The following ZAP70 variants were observed in gnomAD, a reference collection of about 807,000 sequenced individuals.
The protein encoded by ZAP70 is zeta chain of T cell receptor associated protein kinase 70.
ZAP70 carries 27 observed loss-of-function variants against 65.8 expected under a neutral mutation model. The ratio of observed to expected loss-of-function variants is 0.41; its 90% CI spans 0.30 to 0.57. The LOEUF (loss-of-function observed/expected upper bound fraction) is 0.57. Ranked by LOEUF, ZAP70 falls within the 20% of genes least tolerant of loss-of-function variation. The probability of loss-of-function intolerance (pLI) is 0.28; values close to 1 mark genes in which losing one functional copy is unlikely to be tolerated. For missense variants in ZAP70, 696 were observed against 870.5 expected, an observed-to-expected ratio of 0.80 and a Z score of 2.52; for synonymous variants, 363 against 360.8, an observed-to-expected ratio of 1.01 and a Z score of -0.07.
At chr2:97,730,278 A>G (rs1381168951) in intron 4 of ZAP70, among the ~76,000 whole-genome samples, 2 of 152,180 alleles carry the variant, frequency 1.3e-5, no homozygotes, top group African/African-American at 2.4e-5. Flanking sequence ...TTGCTTGGCA[A>G]TTTGGCTGGT....
At chr2:97,741,705 A>G (rs1678135107), downstream of ZAP70, among the ~76,000 whole-genome samples, 1 of 152,196 alleles carries the variant, frequency 6.6e-6, no homozygotes, top group Non-Finnish European at 1.5e-5. Flanking sequence ...GTGAGTTACA[A>G]TTCTTAGAAA....
chr2:97,725,277 G>A (rs776500519), intron 4 of ZAP70, 25 bp downstream of exon 4: 5 of 1,610,150 alleles, frequency 3.1e-6, no homozygotes, highest in Non-Finnish European at 4.2e-6. Flanking sequence ...GGATTTGGGT[G>A]CGGTGAGGAT....
At chr2:97,755,140 A>T in the ZAP70 span, among the ~76,000 whole-genome samples, 1 of 152,212 alleles carries the variant, frequency 6.6e-6, no homozygotes. Flanking sequence ...AAACAAGACA[A>T]TGAGAAAAGC....
downstream of ZAP70, among the ~76,000 whole-genome samples, chr2:97,740,619 A>T (rs1333562625): frequency 6.6e-6 from 1 of 152,196 alleles, no homozygotes; most frequent in Non-Finnish European, 1.5e-5. Flanking sequence ...TGGGAACGCT[A>T]ACAGACCCAC....
chr2:97,732,116 C>T (rs1004603418), intron 4 of ZAP70, among the ~76,000 whole-genome samples: 4 of 152,124 alleles, frequency 2.6e-5, no homozygotes, highest in Non-Finnish European at 4.4e-5. Flanking sequence ...CAGTTTCTTA[C>T]CCCACAAATG....
rs144264183 is a variant in ZAP70, at chr2:97,731,488, C to T, written c.564-1395C>T. Among the ~76,000 whole-genome samples, 100 of 152,276 alleles carry T rather than the reference C, an allele frequency of 6.6e-4. No individual in the cohort carries two copies. The East Asian group carries it at 0.017, about 26-fold the overall frequency. On this transcript the variant is annotated intron_variant, in intron 4 of 13. Transcript: ENST00000264972. This position sits in a 1 kb window ranked among gnomAD's most constrained non-coding sequence, Gnocchi z 4.0. ...GCCCTTTTGTGTGCCCTCATTGCCC[C>T]CGCCCTGATTTCCCATCTCTCCATG...
chr2:97,721,310 C>G (rs1251480798), intron 2 of ZAP70, among the ~76,000 whole-genome samples: 1 of 152,238 alleles, frequency 6.6e-6, no homozygotes, highest in Non-Finnish European at 1.5e-5. Flanking sequence ...CTTTTGTGGT[C>G]ATTCTCAGAC....
chr2:97,745,408 G>A, the ZAP70 span, among the ~76,000 whole-genome samples: 1 of 152,188 alleles, frequency 6.6e-6, no homozygotes, highest in African/African-American at 2.4e-5. Context: ...AAAAATGTTA[G>A]CAAATCATTT....
chr2:97,741,259 G>A (rs1355086042), downstream of ZAP70, among the ~76,000 whole-genome samples: 1 of 152,168 alleles, frequency 6.6e-6, no homozygotes, highest in East Asian at 1.9e-4. Context: ...ACAGTCCCCT[G>A]GAAGGTGCTT....
At chr2:97,721,580 A>ATTTTTTTTTTT (rs796509420) in intron 2 of ZAP70, among the ~76,000 whole-genome samples, 402 of 81,190 alleles carry the variant, frequency 5.0e-3, no homozygotes, top group Non-Finnish European at 5.7e-3. Context: ...TGGCTGGCTG[A>ATTTTTTTTTTT]TTTTTTTTTT....
chr2:97,729,232 G>C (rs1489903586), intron 4 of ZAP70, among the ~76,000 whole-genome samples: 1 of 152,212 alleles, frequency 6.6e-6, no homozygotes, highest in Admixed American at 6.5e-5. Flanking sequence ...TTATGATTTA[G>C]ACCAGTTACC....
chr2:97,719,899 G>A (rs149475346), intron 2 of ZAP70, among the ~76,000 whole-genome samples: 246 of 152,146 alleles, frequency 1.6e-3, no homozygotes, highest in Non-Finnish European at 2.3e-3. Context: ...CCTCTGGTGC[G>A]TTTTCCGTCC....
At position 97,724,000 on chromosome 2, in the gene ZAP70, C is replaced by T. The variant is rs572934153; in HGVS notation, c.-21-16C>T. ...GGAAGGCCCTGACGTGCCTCCGACCCTCTGTGAACCCGCAGGTTTCGGGAG... is the reference window on the plus strand; with the variant it reads ...GGAAGGCCCTGACGTGCCTCCGACCTTCTGTGAACCCGCAGGTTTCGGGAG... On this transcript the variant is annotated splice_polypyrimidine_tract_variant and intron_variant, in intron 2 of 13. Transcript: ENST00000264972. 1.8e-4 allele frequency: 284 copies of T among 1,538,586 alleles called. 5 individuals are homozygous for T. The South Asian group carries it at 3.2e-3, about 17-fold the overall frequency.
chr2:97,743,117 A>C (rs1376215527), downstream of ZAP70, among the ~76,000 whole-genome samples: 1 of 152,172 alleles, frequency 6.6e-6, no homozygotes, highest in Non-Finnish European at 1.5e-5. Flanking sequence ...AAGGGAGAAG[A>C]AAGCACATAC....
Position 97,731,054 on chromosome 2 carries a change from CAAAAA to C in ZAP70, c.564-1812_564-1808del, listed in dbSNP as rs56688476. 1.9e-5 allele frequency among the ~76,000 whole-genome samples: 1 copy of C among 52,394 alleles called. No homozygotes were observed. The highest frequency in any genetic ancestry group is 4.2e-5 in the Non-Finnish European group (1 of 23,850). The allele number at this position is 52,394 out of a possible 152,430, so 34.4% of individuals were successfully genotyped here. The stretch of plus-strand genomic sequence containing the variant: ...CGGGCTGTGGAGCGAGACTCGGTCT[CAAAAA>C]AAAAAAAAAAAAAAAAGAGACAGAG... On this transcript the variant is annotated intron_variant, in intron 4 of 13. Coordinates refer to ENST00000264972, the MANE Select transcript of ZAP70 (RefSeq NM_001079.4). The surrounding 1 kb of genome is among the most constrained non-coding windows in gnomAD (Gnocchi z 4.0).
At chr2:97,752,953 T>C in the ZAP70 span, among the ~76,000 whole-genome samples, 6 of 152,344 alleles carry the variant, frequency 3.9e-5, no homozygotes, top group South Asian at 1.2e-3. Context: ...AAGGCATCTC[T>C]AACAAAATTA....
At chr2:97,751,944 C>A in the ZAP70 span, among the ~76,000 whole-genome samples, 2 of 152,346 alleles carry the variant, frequency 1.3e-5, no homozygotes, top group African/African-American at 4.8e-5. Flanking sequence ...CAAGCCCCAC[C>A]TTCCACACTG....
At chr2:97,718,361 G>A (rs912435753) in intron 2 of ZAP70, among the ~76,000 whole-genome samples, 4 of 152,130 alleles carry the variant, frequency 2.6e-5, no homozygotes, top group African/African-American at 9.7e-5. Flanking sequence ...CCCACCTCTT[G>A]CCCCCGGACT....
At chr2:97,726,559 C>T (rs1218963018) in intron 4 of ZAP70, among the ~76,000 whole-genome samples, 1 of 152,262 alleles carries the variant, frequency 6.6e-6, no homozygotes, top group Admixed American at 6.5e-5. Context: ...GGTCAACCCA[C>T]TTGGAGGAAA....
Sources: allele counts gnomAD v4.1 joint callset (sites outside exome capture counted in the v4.1 genomes callset), GRCh38; gene constraint gnomAD v4.1.1; non-coding constraint Gnocchi (gnomAD v3.1); transcripts MANE v1.5; gene names NCBI Gene and HGNC (gene_info 2026-07-23, HGNC 2026-07-21).